RAPGEF1: variants seen among roughly 807,000 people sequenced by gnomAD.
RAPGEF1 encodes CRK SH3-binding GNRP.
In RAPGEF1, 33 loss-of-function variants were observed where a neutral mutation model predicts 143.3. The ratio of observed to expected loss-of-function variants is 0.23; its 90% CI spans 0.17 to 0.31. The LOEUF (loss-of-function observed/expected upper bound fraction) is 0.31. Ranked by LOEUF, RAPGEF1 falls within the 10% of genes least tolerant of loss-of-function variation. The pLI is 1.00. For synonymous variants in RAPGEF1, 629 were observed against 676.5 expected, an observed-to-expected ratio of 0.93 and a Z score of 1.09; for missense variants, 1,199 against 1,645.4, an observed-to-expected ratio of 0.73 and a Z score of 4.69.
chr9:131,710,301 C>T (rs991005421), intron 1 of RAPGEF1, among the ~76,000 whole-genome samples: 13 of 152,176 alleles, frequency 8.5e-5, no homozygotes, highest in African/African-American at 3.1e-4. Flanking sequence ...CACTGCTACA[C>T]CTCAGTCTCC....
At chr9:131,722,354 G>A (rs1193111239) in intron 1 of RAPGEF1, among the ~76,000 whole-genome samples, 3 of 152,162 alleles carry the variant, frequency 2.0e-5, no homozygotes, top group African/African-American at 4.8e-5. Flanking sequence ...TCTCAAGAAC[G>A]TGGCGATAGC....
chr9:131,594,635 C>T (rs1341059603), intron 17 of RAPGEF1, among the ~76,000 whole-genome samples: 1 of 152,234 alleles, frequency 6.6e-6, no homozygotes, highest in Non-Finnish European at 1.5e-5. Context: ...TTCACCCTCC[C>T]AGTGGAGCCA....
intron 1 of RAPGEF1, among the ~76,000 whole-genome samples, chr9:131,713,510 C>A (rs1324653886): frequency 6.6e-6 from 1 of 152,156 alleles, no homozygotes; most frequent in Admixed American, 6.5e-5. Flanking sequence ...CTTTGAAGGC[C>A]AGCTGGCCTG....
chr9:131,647,475 C>G (rs1280796222), intron 3 of RAPGEF1, among the ~76,000 whole-genome samples: 2 of 152,186 alleles, frequency 1.3e-5, no homozygotes, highest in Non-Finnish European at 1.5e-5. Flanking sequence ...CCATTTCCCT[C>G]GTATCTGAGC....
At chr9:131,629,304 G>C (rs781282190) in intron 6 of RAPGEF1, 50 bp from the exon 7 acceptor site, 1 of 1,562,092 alleles carries the variant, frequency 6.4e-7, no homozygotes, top group South Asian at 1.1e-5. Flanking sequence ...AGGCGGGACA[G>C]AGCACACACA....
In RAPGEF1 at chr9:131,627,979, C is replaced by T. The variant is rs1488414551; in HGVS notation, c.1135G>A (p.Glu379Lys). The T allele has an allele frequency of 3.8e-6, 6 of 1,592,424 alleles. No individual in the cohort carries two copies. Among genetic ancestry groups the T allele is most frequent in the Non-Finnish European group, 5.1e-6 (6 of 1,169,604 alleles). ...TCCCTGTCCAGAGAGGACAGCTGCTCGTCTGACTTGCTGAGCTTGCCTATG... is the reference window on the plus strand; with the variant it reads ...TCCCTGTCCAGAGAGGACAGCTGCTTGTCTGACTTGCTGAGCTTGCCTATG... ...SSIGKLSKSD[E>K]QLSSLDRDSG... is the part of the protein sequence containing the mutation. The change falls in exon 9 of 27, where the codon GAG (glutamate) becomes AAG (lysine). Residue 379 changes from glutamate to lysine, a missense_variant. By Grantham distance (56) the Glu-to-Lys change is moderately conservative. This residue lies in a region of RAPGEF1 where 613 missense variants were observed against 710.9 expected (regional missense o/e 0.86). Coordinates refer to ENST00000683357, the MANE Select transcript of RAPGEF1 (RefSeq NM_001377935.1).
chr9:131,652,695 T>TGG (rs1330039977), intron 1 of RAPGEF1, among the ~76,000 whole-genome samples: 1 of 152,212 alleles, frequency 6.6e-6, no homozygotes, highest in African/African-American at 2.4e-5. Context: ...TCATCTCCTA[T>TGG]GATAACAATG....
At chr9:131,615,095 C>T (rs1035296551) in intron 12 of RAPGEF1, among the ~76,000 whole-genome samples, 39 of 152,266 alleles carry the variant, frequency 2.6e-4, no homozygotes, top group African/African-American at 8.4e-4. Context: ...TTTTTTGAGA[C>T]GGAGTCTTGC....
intron 1 of RAPGEF1, chr9:131,737,256 C>G: frequency 1.5e-6 from 2 of 1,312,880 alleles, no homozygotes. Context: ...CCCACACTTT[C>G]CGCAGCTCCT....
intron 1 of RAPGEF1, among the ~76,000 whole-genome samples, chr9:131,697,641 G>A (rs998379599): frequency 6.6e-6 from 1 of 152,236 alleles, no homozygotes; most frequent in African/African-American, 2.4e-5. Flanking sequence ...CACTCTCCCT[G>A]AATGGCCTTG....
chr9:131,711,857 T>G (rs1478778409), intron 1 of RAPGEF1, among the ~76,000 whole-genome samples: 2 of 152,192 alleles, frequency 1.3e-5, no homozygotes, highest in Admixed American at 6.5e-5. Flanking sequence ...AGACCAAGTT[T>G]AAGAGGCACT....
intron 1 of RAPGEF1, chr9:131,709,899 C>G (rs1835385640): frequency 1.0e-6 from 1 of 985,294 alleles, no homozygotes; most frequent in Non-Finnish European, 1.2e-6. Flanking sequence ...GGGAGGAAAT[C>G]AGAAGAAAGG....
At chr9:131,678,063 C>A (rs1320250533) in intron 1 of RAPGEF1, among the ~76,000 whole-genome samples, 1 of 152,342 alleles carries the variant, frequency 6.6e-6, no homozygotes, top group Middle Eastern at 3.4e-3. Context: ...TCGAGGTCAA[C>A]GCAAACCACG....
At chr9:131,689,203 CTTGT>C (rs1041538079) in intron 1 of RAPGEF1, among the ~76,000 whole-genome samples, 13 of 152,084 alleles carry the variant, frequency 8.5e-5, no homozygotes, top group African/African-American at 2.9e-4. Context: ...TTATACCTGT[CTTGT>C]TTGTCAACAA....
intron 1 of RAPGEF1, among the ~76,000 whole-genome samples, chr9:131,664,949 C>T (rs1455109979): frequency 1.3e-5 from 2 of 152,192 alleles, no homozygotes; most frequent in East Asian, 3.8e-4. Flanking sequence ...ATCCTTATTT[C>T]CTCTTCTTAC....
chr9:131,608,453 C>T (rs1319759959), intron 12 of RAPGEF1, among the ~76,000 whole-genome samples: 2 of 152,152 alleles, frequency 1.3e-5, no homozygotes, highest in East Asian at 1.9e-4. Flanking sequence ...GGGTAAGAGA[C>T]GAACTTCACC....
At chr9:131,711,260 C>T (rs912510197) in intron 1 of RAPGEF1, among the ~76,000 whole-genome samples, 1 of 151,958 alleles carries the variant, frequency 6.6e-6, no homozygotes, top group African/African-American at 2.4e-5. Context: ...CTATGTTGCT[C>T]AGGCTGGTCT....
At chr9:131,730,716 A>AAAAAAAAAAAG (rs1564212126) in intron 1 of RAPGEF1, among the ~76,000 whole-genome samples, 2 of 121,830 alleles carry the variant, frequency 1.6e-5, no homozygotes, top group Non-Finnish European at 1.8e-5. Flanking sequence ...AAAAAAAAAA[A>AAAAAAAAAAAG]AAGAAGAAGA....
intron 17 of RAPGEF1, among the ~76,000 whole-genome samples, chr9:131,592,522 G>A (rs1360653227): frequency 1.3e-5 from 2 of 152,140 alleles, no homozygotes; most frequent in East Asian, 3.9e-4. Flanking sequence ...CAGCGGAAAA[G>A]GGCACTTAGG....
Sources: gnomAD v4.1 joint callset for allele counts (sites outside exome capture counted in the v4.1 genomes callset) on GRCh38, gnomAD v4.1.1 for gene constraint, gnomAD v4.1.1 regional missense constraint, MANE v1.5 for transcripts, NCBI Gene and HGNC (gene_info 2026-07-23, HGNC 2026-07-21) for gene names.